GMEB2: variants seen among roughly 807,000 people sequenced by gnomAD.
The protein encoded by GMEB2 is glucocorticoid modulatory element binding protein 2.
GMEB2 carries 7 observed loss-of-function variants against 45.7 expected under a neutral mutation model. The ratio of observed to expected loss-of-function variants is 0.15; its 90% CI spans 0.09 to 0.29. The LOEUF (loss-of-function observed/expected upper bound fraction) is 0.29. GMEB2 is among the 10% of genes least tolerant of loss of function. The probability of loss-of-function intolerance (pLI) is 1.00; values close to 1 mark genes in which losing one functional copy is unlikely to be tolerated. For missense variants in GMEB2, 582 were observed against 739.2 expected (o/e 0.79, Z 2.47); for synonymous variants, 322 against 323.6 (o/e 1.00, Z 0.05).
rs149398611 is a variant in GMEB2, at chr20:63,623,127, T to C, written c.-57-3673A>G. On this transcript the variant is annotated intron_variant, in intron 1 of 9. Transcript: ENST00000370077. ...TTCCCCGTTTCCTGTTTCAGGAGGG[T>C]ATCGAAAATGAGTGATGGAAGGAAA... 7.2e-5 allele frequency among the ~76,000 whole-genome samples: 11 copies of C among 152,242 alleles called. No individual in the cohort carries two copies. The East Asian group carries it at 2.1e-3, about 29-fold the overall frequency.
chr20:63,614,481 C>CA (rs1395626159), intron 2 of GMEB2, among the ~76,000 whole-genome samples: 2 of 152,166 alleles, frequency 1.3e-5, no homozygotes, highest in Admixed American at 1.3e-4. Context: ...GCCTCAGTGT[C>CA]AAGGAAAAAC....
At chr20:63,624,897 G>A (rs915443988) in intron 1 of GMEB2, among the ~76,000 whole-genome samples, 2 of 151,828 alleles carry the variant, frequency 1.3e-5, no homozygotes, top group African/African-American at 4.8e-5. Flanking sequence ...TAGTAGAGAC[G>A]GGGTTTCACC....
intron 2 of GMEB2, among the ~76,000 whole-genome samples, chr20:63,609,485 C>T (rs1448265224): frequency 2.5e-4 from 8 of 32,054 alleles, no homozygotes; most frequent in Admixed American, 5.2e-4. Flanking sequence ...CCCTCTGACC[C>T]CACATCCATT....
chr20:63,591,387 C>T (rs558692264), intron 9 of GMEB2, among the ~76,000 whole-genome samples: 13 of 152,300 alleles, frequency 8.5e-5, no homozygotes, highest in African/African-American at 3.1e-4. Context: ...AAGCACAGAC[C>T]CCAAGAGGAG....
intron 2 of GMEB2, 23 bp from the exon 3 acceptor site, chr20:63,604,863 G>A (rs778758324): frequency 7.2e-7 from 1 of 1,396,136 alleles, no homozygotes; most frequent in East Asian, 2.3e-5. Context: ...AGGGAGGAGA[G>A]AATAGAATCA....
At chr20:63,597,309 T>C (rs889557313) in intron 5 of GMEB2, among the ~76,000 whole-genome samples, 25 of 151,768 alleles carry the variant, frequency 1.6e-4, no homozygotes, top group African/African-American at 5.6e-4. Flanking sequence ...CACAGGCATA[T>C]GTCACCAAAT....
At chr20:63,623,601 C>G (rs2089652509) in intron 1 of GMEB2, among the ~76,000 whole-genome samples, 1 of 148,600 alleles carries the variant, frequency 6.7e-6, no homozygotes, top group South Asian at 2.1e-4. Context: ...GTTCAAAGAC[C>G]AGCCTGATCA....
intron 4 of GMEB2, among the ~76,000 whole-genome samples, chr20:63,601,625 C>T (rs993452546): frequency 1.3e-5 from 2 of 151,940 alleles, no homozygotes; most frequent in Admixed American, 1.3e-4. Context: ...CCTCCTGCCT[C>T]GGCCTCCCAA....
chr20:63,608,487 C>G (rs1601023357), intron 2 of GMEB2, among the ~76,000 whole-genome samples: 1 of 12,472 alleles, frequency 8.0e-5, no homozygotes, highest in Admixed American at 3.5e-4. Flanking sequence ...ACATGCCCCT[C>G]TGACCCCACC....
chr20:63,612,497 C>T (rs2089578220), intron 2 of GMEB2, among the ~76,000 whole-genome samples: 1 of 152,186 alleles, frequency 6.6e-6, no homozygotes, highest in Non-Finnish European at 1.5e-5. Flanking sequence ...CAGGAAAAGG[C>T]GGGAGGCGGA....
intron 2 of GMEB2, among the ~76,000 whole-genome samples, chr20:63,615,945 T>C (rs564029351): frequency 6.6e-6 from 1 of 152,334 alleles, no homozygotes; most frequent in South Asian, 2.1e-4. Flanking sequence ...AAAGATCTAT[T>C]CTAAGGTGTT....
At chr20:63,610,349 G>A (rs568986826) in intron 2 of GMEB2, among the ~76,000 whole-genome samples, 4 of 152,184 alleles carry the variant, frequency 2.6e-5, no homozygotes, top group South Asian at 4.2e-4. Flanking sequence ...GTGAAACCCC[G>A]TCTCTACTAA....
intron 6 of GMEB2, among the ~76,000 whole-genome samples, chr20:63,595,062 T>C (rs1034559863): frequency 6.6e-6 from 1 of 152,234 alleles, no homozygotes; most frequent in Admixed American, 6.5e-5. Context: ...AAAATTTCTC[T>C]ATTCATAAAG....
rs539599430 is a variant in GMEB2, at chr20:63,588,788, T to C, written c.*1301A>G. ...TGGCACTCAGGGTCCTCCCGGGACA[T>C]GCCCTGTTGGAGACGGCAGGAGGCC... On this transcript the variant is annotated 3_prime_UTR_variant, in exon 10 of 10. Coordinates refer to ENST00000370077, the MANE Select transcript of GMEB2 (RefSeq NM_012384.5). 2.0e-5 allele frequency: 8 copies of C among 398,702 alleles called. No individual in the cohort carries two copies. Among genetic ancestry groups the C allele is most frequent in the African/African-American group, 1.4e-4 (7 of 48,766 alleles). The allele number at this position is 398,702 out of a possible 1,614,324, so 24.7% of individuals were successfully genotyped here.
chr20:63,611,304 C>T (rs1016298455), intron 2 of GMEB2, among the ~76,000 whole-genome samples: 1 of 152,204 alleles, frequency 6.6e-6, no homozygotes. Flanking sequence ...GGACCTTATG[C>T]CACAGCAATT....
At chr20:63,621,418 G>GT (rs1286525615) in intron 1 of GMEB2, among the ~76,000 whole-genome samples, 1 of 151,936 alleles carries the variant, frequency 6.6e-6, no homozygotes, top group Non-Finnish European at 1.5e-5. Flanking sequence ...GCTCACGCCT[G>GT]TAATCCCAGC....
intron 1 of GMEB2, among the ~76,000 whole-genome samples, chr20:63,623,395 T>C (rs2089651502): frequency 6.6e-6 from 1 of 152,208 alleles, no homozygotes; most frequent in Non-Finnish European, 1.5e-5. Context: ...TGAATTCGTT[T>C]ACACTGGCGG....
At chr20:63,624,274 A>G (rs972396526) in intron 1 of GMEB2, among the ~76,000 whole-genome samples, 4 of 150,738 alleles carry the variant, frequency 2.7e-5, no homozygotes, top group Non-Finnish European at 5.9e-5. Flanking sequence ...AAAAAAAAAA[A>G]ACAAATTGGC....
At chr20:63,626,763 C>G (rs947415924) in intron 1 of GMEB2, among the ~76,000 whole-genome samples, 193 bp downstream of exon 1, 2 of 146,744 alleles carry the variant, frequency 1.4e-5, no homozygotes, top group Non-Finnish European at 3.0e-5. Flanking sequence ...GCGCCCGCCA[C>G]CGCCCGCGCC....
Sources: allele counts gnomAD v4.1 joint callset (sites outside exome capture counted in the v4.1 genomes callset), GRCh38; gene constraint gnomAD v4.1.1; transcripts MANE v1.5; gene names NCBI Gene and HGNC (gene_info 2026-07-23, HGNC 2026-07-21).